ATPAF1: variants seen among roughly 807,000 people sequenced by gnomAD.
ATPAF1 encodes ATP synthase mitochondrial F1 complex assembly factor 1, also known as homolog of yeast ATP11.
A neutral mutation model predicts 43.9 loss-of-function variants in ATPAF1; 26 were observed. That is an observed-to-expected ratio of 0.59 (90% CI 0.43 to 0.82). The LOEUF is 0.82. Ranked by LOEUF, ATPAF1 falls within the 40% of genes least tolerant of loss-of-function variation. The pLI is 0.00. For synonymous variants in ATPAF1, 157 were observed against 168.0 expected (o/e 0.93, Z 0.50); for missense variants, 366 against 435.0 (o/e 0.84, Z 1.41).
intron 1 of ATPAF1, 106 bp from the exon 2 acceptor site, chr1:46,665,470 G>C: frequency 7.5e-7 from 1 of 1,336,392 alleles, no homozygotes; most frequent in South Asian, 1.3e-5. Context: ...GCCATTCAGA[G>C]AGGTTGAAAA....
intron 4 of ATPAF1, among the ~76,000 whole-genome samples, chr1:46,656,500 T>C (rs1485956373): frequency 6.6e-6 from 1 of 152,216 alleles, no homozygotes; most frequent in Non-Finnish European, 1.5e-5. Context: ...CTTTTCTTTT[T>C]TTGCATGTCA....
intron 2 of ATPAF1, among the ~76,000 whole-genome samples, chr1:46,661,455 A>G (rs1365335611): frequency 6.6e-6 from 1 of 152,188 alleles, no homozygotes; most frequent in African/African-American, 2.4e-5. Flanking sequence ...AGGTTATTTC[A>G]GAAATGGGTG....
intron 6 of ATPAF1, among the ~76,000 whole-genome samples, chr1:46,649,768 T>C (rs758082451): frequency 6.6e-6 from 1 of 151,702 alleles, no homozygotes; most frequent in Non-Finnish European, 1.5e-5. Context: ...CTACTAAACA[T>C]ACAAAAAATT....
At chr1:46,647,696 A>G (rs968825869) in intron 6 of ATPAF1, among the ~76,000 whole-genome samples, 2 of 152,228 alleles carry the variant, frequency 1.3e-5, no homozygotes, top group Non-Finnish European at 1.5e-5. Context: ...GCTAGTTAGT[A>G]TGGCAGGTAT....
At chr1:46,633,498 A>T (rs1209091547), downstream of ATPAF1, 1 of 335,274 alleles carries the variant, frequency 3.0e-6, no homozygotes, top group Non-Finnish European at 5.7e-6. Context: ...TAACATATGA[A>T]CCCAGATTCA....
chr1:46,652,131 CACATGT>C (rs1676180841), intron 6 of ATPAF1, among the ~76,000 whole-genome samples: 1 of 148,978 alleles, frequency 6.7e-6, no homozygotes, highest in Admixed American at 6.7e-5. Context: ...ACACACTGCA[CACATGT>C]ATTGAACTAT....
At chr1:46,662,173 C>T (rs944449354) in intron 2 of ATPAF1, among the ~76,000 whole-genome samples, 6 of 152,184 alleles carry the variant, frequency 3.9e-5, no homozygotes, top group Non-Finnish European at 8.8e-5. Flanking sequence ...GCATTACAGG[C>T]GTGAGCCACC....
At chr1:46,635,659 G>A (rs1675823198) in exon 9 of ATPAF1, 1 of 986,772 alleles carries the variant, frequency 1.0e-6, no homozygotes. Context: ...AAGCACATAG[G>A]GCAACTCATT....
At chr1:46,667,099 A>G (rs1332374454) in intron 1 of ATPAF1, among the ~76,000 whole-genome samples, 1 of 152,248 alleles carries the variant, frequency 6.6e-6, no homozygotes, top group Non-Finnish European at 1.5e-5. Flanking sequence ...TAACTGTTTC[A>G]AATGGCAAGA....
intron 6 of ATPAF1, among the ~76,000 whole-genome samples, chr1:46,651,988 T>A (rs1676178089): frequency 6.6e-6 from 1 of 152,026 alleles, no homozygotes; most frequent in East Asian, 1.9e-4. Context: ...TGAGATACCA[T>A]CTCACACCAG....
rs1442599271 is a variant in ATPAF1 at position 46,663,880 on chromosome 1, C to T, written c.375+1376G>A. On this transcript the variant is annotated intron_variant, in intron 2 of 8. Coordinates refer to ENST00000574428, the Ensembl canonical transcript of ATPAF1. ...CACACCTGGATTACTCCATATTCTC[C>T]CTGGCGCTGGCCTCTCCTACACCAG... 5 of 1,274,512 alleles carry T rather than the reference C, an allele frequency of 3.9e-6. No homozygotes were observed. The Admixed American group carries it at 9.6e-5, about 24-fold the overall frequency. The allele number at this position is 1,274,512 out of a possible 1,614,324, so 79.0% of individuals were successfully genotyped here.
In ATPAF1 at chr1:46,662,923, C is replaced by A. The variant is rs146203149; in HGVS notation, c.375+2333G>T. Among the ~76,000 whole-genome samples, 965 of 152,040 alleles carry A rather than the reference C, an allele frequency of 6.3e-3. 8 individuals are homozygous for A. The highest frequency in any genetic ancestry group is 0.017 in the African/African-American group (701 of 41,444). Reference sequence around the variant, plus strand: ...CATTAGGTATATCTCCTAATGCTATCCCTCCCCACTCCCCCGACCCCACAA... The same window carrying A: ...CATTAGGTATATCTCCTAATGCTATACCTCCCCACTCCCCCGACCCCACAA... On this transcript the variant is annotated intron_variant, in intron 2 of 8. Transcript: ENST00000574428.
chr1:46,653,026 G>C lies in ATPAF1; in HGVS notation c.541-398C>G, dbSNP rs78003521. On this transcript the variant is annotated intron_variant, in intron 5 of 8. Coordinates refer to ENST00000574428, the Ensembl canonical transcript of ATPAF1. The surrounding 1 kb of genome is among the most constrained non-coding windows in gnomAD (Gnocchi z 4.8). ...ATGTAGGATAAGGGTATATATATAT[G>C]AGAGATTAAAAAAAAAGATAGCGAT... Among the ~76,000 whole-genome samples the C allele has an allele frequency of 6.6e-6, 1 of 151,828 alleles. No individual in the cohort carries two copies. The highest frequency in any genetic ancestry group is 2.4e-5 in the African/African-American group (1 of 41,314).
In ATPAF1 at chr1:46,665,858, G is replaced by A. The variant is rs72898751; in HGVS notation, c.267-494C>T. On this transcript the variant is annotated intron_variant, in intron 1 of 8. Coordinates refer to ENST00000574428, the Ensembl canonical transcript of ATPAF1. ...ATTTTGCAGAAGATTTAGCATCTGA[G>A]TATCTCCCTAACCTACCCTCCAAAG... 1.0e-3 allele frequency: 1,430 copies of A among 1,422,920 alleles called. 13 individuals are homozygous for A. The African/African-American group carries it at 0.019, about 19-fold the overall frequency. 88.1% of individuals were successfully genotyped at this position (1,422,920 alleles called of 1,614,324 possible). A position where few individuals can be genotyped will look rare whatever the true frequency, so the allele number is the denominator to read the frequency against.
At chr1:46,666,166 G>A in intron 1 of ATPAF1, 1 of 190,006 alleles carries the variant, frequency 5.3e-6, no homozygotes, top group Non-Finnish European at 1.1e-5. Context: ...ATTATAGGGG[G>A]CCCCTTCTTC....
At chr1:46,668,381 GCCCGCTCCAT>G, upstream of ATPAF1, 1 of 1,246,440 alleles carries the variant, frequency 8.0e-7, no homozygotes, top group East Asian at 3.6e-5. The surrounding 1 kb of genome is among the most constrained non-coding windows in gnomAD (Gnocchi z 4.4). Flanking sequence ...CGGCCCGCGC[GCCCGCTCCAT>G]CCCGCTCCGA....
Position 46,668,358 on chromosome 1 carries a change from C to A in ATPAF1, c.-36G>T. Reference sequence around the variant, plus strand: ...GCCTCCTCCTCCTCCTCAGGCGCGTCGGCCTCGGCCCGCGGCCCGCGCGCC... The same window carrying A: ...GCCTCCTCCTCCTCCTCAGGCGCGTAGGCCTCGGCCCGCGGCCCGCGCGCC... On this transcript the variant is annotated 5_prime_UTR_variant, in exon 1 of 9. Transcript: ENST00000574428. The surrounding 1 kb of genome is among the most constrained non-coding windows in gnomAD (Gnocchi z 4.4). 1.5e-6 allele frequency: 2 copies of A among 1,294,370 alleles called. No individual in the cohort carries two copies. The highest frequency in any genetic ancestry group is 2.0e-6 in the Non-Finnish European group (2 of 1,020,026). The allele number at this position is 1,294,370 out of a possible 1,614,324, so 80.2% of individuals were successfully genotyped here.
chr1:46,651,777 A>G, intron 6 of ATPAF1, among the ~76,000 whole-genome samples: 1 of 152,130 alleles, frequency 6.6e-6, no homozygotes, highest in African/African-American at 2.4e-5. Context: ...TTTGCAACCT[A>G]CTCATCTGAC....
At chr1:46,641,135 T>C (rs537070741) in intron 8 of ATPAF1, among the ~76,000 whole-genome samples, 2 of 152,336 alleles carry the variant, frequency 1.3e-5, no homozygotes, top group South Asian at 2.1e-4. Context: ...TGGAGTGCAA[T>C]GGTGCAATCT....
Sources: allele counts gnomAD v4.1 joint callset (sites outside exome capture counted in the v4.1 genomes callset), GRCh38; gene constraint gnomAD v4.1.1; non-coding constraint Gnocchi (gnomAD v3.1); transcripts MANE v1.5; gene names NCBI Gene and HGNC (gene_info 2026-07-23, HGNC 2026-07-21).